SLC39A9: variants seen among roughly 807,000 people sequenced by gnomAD.
The protein encoded by SLC39A9 is zinc transporter ZIP9.
In SLC39A9, 14 loss-of-function variants were observed where a neutral mutation model predicts 28.4. That is an observed-to-expected ratio of 0.49 (90% CI 0.33 to 0.77). The LOEUF is 0.77. SLC39A9 is among the 30% of genes least tolerant of loss of function. The pLI is 0.02. For missense variants in SLC39A9, 283 were observed against 381.1 expected, an observed-to-expected ratio of 0.74 and a Z score of 2.14; for synonymous variants, 119 against 149.6, an observed-to-expected ratio of 0.80 and a Z score of 1.49.
intron 2 of SLC39A9, among the ~76,000 whole-genome samples, chr14:69,429,625 G>C (rs1191347120): frequency 6.6e-6 from 1 of 152,168 alleles, no homozygotes; most frequent in East Asian, 1.9e-4. Flanking sequence ...GACTGAAGTG[G>C]GGGGATTGCT....
At position 69,407,302 on chromosome 14, in the gene SLC39A9, C is replaced by CCCTT. The variant is rs774804877; in HGVS notation, c.96+7862_96+7865dup. Among the ~76,000 whole-genome samples, 1,093 of 143,922 alleles carry CCCTT rather than the reference C, an allele frequency of 7.6e-3. 11 individuals carry two copies. The highest frequency in any genetic ancestry group is 0.021 in the African/African-American group (811 of 39,350). The allele number at this position is 143,922 out of a possible 152,430, so 94.4% of individuals were successfully genotyped here. ...TTTCCTTTCCTTCCTTCCCTTCCTT[C>CCCTT]CCTTCCTTCCTTCCTTCCTTCCTTC... is the stretch of plus-strand genomic sequence containing the variant. On this transcript the variant is annotated intron_variant, in intron 1 of 6. Transcript: ENST00000336643.
At chr14:69,456,475 G>A (rs971845749) in intron 6 of SLC39A9, among the ~76,000 whole-genome samples, 45 of 151,990 alleles carry the variant, frequency 3.0e-4, no homozygotes, top group African/African-American at 9.7e-4. Context: ...CATTTTTCAC[G>A]TTCCTCCTCT....
chr14:69,457,183 T>TATACAC (rs1555409824), intron 6 of SLC39A9, among the ~76,000 whole-genome samples: 1 of 151,672 alleles, frequency 6.6e-6, no homozygotes, highest in Non-Finnish European at 1.5e-5. Flanking sequence ...TACATATATA[T>TATACAC]ACACACACAC....
chr14:69,437,016 T>C (rs1246007133), intron 2 of SLC39A9, among the ~76,000 whole-genome samples: 3 of 152,074 alleles, frequency 2.0e-5, no homozygotes, highest in Non-Finnish European at 1.5e-5. Context: ...TACAGGTGCC[T>C]GCCACCACAC....
chr14:69,453,531 A>G (rs1885714751), intron 4 of SLC39A9, among the ~76,000 whole-genome samples: 1 of 152,112 alleles, frequency 6.6e-6, no homozygotes. Flanking sequence ...TTAAAAAAAA[A>G]AAGAGAGAGA....
At chr14:69,413,055 A>G (rs1883358746) in intron 1 of SLC39A9, among the ~76,000 whole-genome samples, 1 of 152,128 alleles carries the variant, frequency 6.6e-6, no homozygotes, top group Admixed American at 6.6e-5. Context: ...TCAGTCATAT[A>G]TTTAAAATTT....
At chr14:69,428,903 T>C (rs1390513187) in intron 2 of SLC39A9, 1 of 152,248 alleles carries the variant, frequency 6.6e-6, no homozygotes, top group African/African-American at 2.4e-5. Flanking sequence ...TTTAAAAAGT[T>C]ACCCAAAGTT....
intron 2 of SLC39A9, among the ~76,000 whole-genome samples, chr14:69,427,029 G>C: frequency 7.5e-6 from 1 of 132,610 alleles, no homozygotes. Flanking sequence ...TTTTTTTTCA[G>C]ACAGGGACTC....
chr14:69,435,501 A>C (rs557463843), intron 2 of SLC39A9, among the ~76,000 whole-genome samples: 1 of 152,336 alleles, frequency 6.6e-6, no homozygotes, highest in East Asian at 1.9e-4. Flanking sequence ...CTAGTTTGAC[A>C]ACCTCTGTCT....
At chr14:69,412,055 A>G (rs1033873743) in intron 1 of SLC39A9, among the ~76,000 whole-genome samples, 1 of 150,946 alleles carries the variant, frequency 6.6e-6, no homozygotes, top group Non-Finnish European at 1.5e-5. Flanking sequence ...TGCTGGGATT[A>G]CAGGCATGAG....
intron 4 of SLC39A9, chr14:69,454,573 G>T: frequency 2.8e-6 from 1 of 355,270 alleles, no homozygotes; most frequent in Non-Finnish European, 5.0e-6. Context: ...AACTAACATT[G>T]AATACTCTGG....
Position 69,461,388 on chromosome 14 carries a change from C to G in SLC39A9, c.*2795C>G. On this transcript the variant is annotated 3_prime_UTR_variant, in exon 7 of 7. Transcript: ENST00000336643. The stretch of plus-strand genomic sequence containing the variant: ...AAGCAGTGATGTTCCAGGTTTGATT[C>G]AGTTTTCCTGTGCACACTATTGCCA... The G allele has an allele frequency of 8.5e-7, 1 of 1,176,502 alleles. No homozygotes were observed. Among genetic ancestry groups the G allele is most frequent in the East Asian group, 4.2e-5 (1 of 23,876 alleles). The allele number at this position is 1,176,502 out of a possible 1,614,324, so 72.9% of individuals were successfully genotyped here.
chr14:69,440,045 A>G (rs28879441), intron 2 of SLC39A9, among the ~76,000 whole-genome samples: 86,550 of 152,048 alleles, frequency 0.57, 25,529 homozygotes, highest in African/African-American at 0.72. Context: ...GGCGGAAAGC[A>G]AAGGGGAAGC....
chr14:69,429,629 G>C (rs934033741), intron 2 of SLC39A9, among the ~76,000 whole-genome samples: 1 of 152,188 alleles, frequency 6.6e-6, no homozygotes. Flanking sequence ...GAAGTGGGGG[G>C]ATTGCTTGAG....
At chr14:69,421,778 A>G (rs1001854102) in intron 1 of SLC39A9, among the ~76,000 whole-genome samples, 1 of 152,208 alleles carries the variant, frequency 6.6e-6, no homozygotes, top group Non-Finnish European at 1.5e-5. Flanking sequence ...CTAGCAGTGA[A>G]TAAGGCTCCA....
At chr14:69,407,673 T>C (rs1486765712) in intron 1 of SLC39A9, among the ~76,000 whole-genome samples, 1 of 149,466 alleles carries the variant, frequency 6.7e-6, no homozygotes, top group African/African-American at 2.5e-5. Context: ...AATTTTGCTG[T>C]TGTTGCCCAG....
intron 2 of SLC39A9, among the ~76,000 whole-genome samples, chr14:69,438,769 G>C (rs1211307289): frequency 6.6e-6 from 1 of 152,158 alleles, no homozygotes; most frequent in Non-Finnish European, 1.5e-5. Context: ...GTGATGTATT[G>C]TCAAAACTGC....
Position 69,458,974 on chromosome 14 carries a change from T to C in SLC39A9, c.*381T>C. ...TGTTCTGTAATTAAGCTATGTCTCT[T>C]TCTTCTTAGTTTAGAGGCTCTGCTA... is the stretch of plus-strand genomic sequence containing the variant. On this transcript the variant is annotated 3_prime_UTR_variant, in exon 7 of 7. Coordinates refer to ENST00000336643, the MANE Select transcript of SLC39A9 (RefSeq NM_018375.5). 1.0e-6 allele frequency: 1 copy of C among 999,172 alleles called. No homozygotes were observed. The highest frequency in any genetic ancestry group is 1.0e-4 in the East Asian group (1 of 9,806). 61.9% of individuals were successfully genotyped at this position (999,172 alleles called of 1,614,324 possible). A position where few individuals can be genotyped will look rare whatever the true frequency, so the allele number is the denominator to read the frequency against.
At chr14:69,417,341 T>G (rs1273786714) in intron 1 of SLC39A9, among the ~76,000 whole-genome samples, 9 of 152,236 alleles carry the variant, frequency 5.9e-5, no homozygotes, top group Admixed American at 4.6e-4. Context: ...TCTTTCTGTT[T>G]TGGTACCAGT....
Sources: gnomAD v4.1 joint callset for allele counts (sites outside exome capture counted in the v4.1 genomes callset) on GRCh38, gnomAD v4.1.1 for gene constraint, MANE v1.5 for transcripts, NCBI Gene and HGNC (gene_info 2026-07-23, HGNC 2026-07-21) for gene names.